Variants in RNF130 observed in about 807,000 individuals in gnomAD.
RNF130 encodes E3 ubiquitin-protein ligase RNF130.
A neutral mutation model predicts 44.6 loss-of-function variants in RNF130; 21 were observed. That is an observed-to-expected ratio of 0.47 (90% CI 0.33 to 0.68). The LOEUF is 0.68. Ranked by LOEUF, RNF130 falls within the 30% of genes least tolerant of loss-of-function variation. RNF130 has a pLI of 0.02. For missense variants in RNF130, 479 were observed against 560.6 expected, an observed-to-expected ratio of 0.85 and a Z score of 1.47; for synonymous variants, 214 against 210.4, an observed-to-expected ratio of 1.02 and a Z score of -0.15.
At chr5:179,970,367 T>C (rs769834464) in intron 6 of RNF130, 43 bp downstream of exon 6, 5 of 1,427,212 alleles carry the variant, frequency 3.5e-6, no homozygotes, top group East Asian at 2.3e-5. Context: ...CACATACATA[T>C]AATAATATAC....
At chr5:179,985,833 C>T (rs1762940364) in intron 3 of RNF130, among the ~76,000 whole-genome samples, 1 of 152,138 alleles carries the variant, frequency 6.6e-6, no homozygotes, top group African/African-American at 2.4e-5. Context: ...GTGGCACTTT[C>T]CCCCCAAATA....
chr5:180,016,379 C>T lies in RNF130; in HGVS notation c.443-3068G>A, dbSNP rs115709621. Among the ~76,000 whole-genome samples, 439 of 152,282 alleles carry T rather than the reference C, an allele frequency of 2.9e-3. 2 individuals are homozygous for T. The highest frequency in any genetic ancestry group is 7.3e-3 in the African/African-American group (304 of 41,542). On this transcript the variant is annotated intron_variant, in intron 2 of 8. Coordinates refer to ENST00000521389, the MANE Select transcript of RNF130 (RefSeq NM_018434.6). ...AAATGTAGGCTTCACAATAAAGGGC[C>T]GGTCAGAGGAGGCAGTGACTGAAAA... is the stretch of plus-strand genomic sequence containing the variant.
chr5:179,933,049 G>C (rs1257647957), intron 7 of RNF130, among the ~76,000 whole-genome samples: 2 of 152,164 alleles, frequency 1.3e-5, no homozygotes. Flanking sequence ...CAAAGAAATA[G>C]AGCGCAGAGG....
intron 7 of RNF130, among the ~76,000 whole-genome samples, chr5:179,929,982 T>C (rs1326736509): frequency 6.6e-6 from 1 of 152,224 alleles, no homozygotes; most frequent in African/African-American, 2.4e-5. Context: ...TTCTCTTACA[T>C]ATATTCCTCA....
intron 3 of RNF130, among the ~76,000 whole-genome samples, chr5:179,990,199 G>C (rs969554356): frequency 6.6e-6 from 1 of 152,184 alleles, no homozygotes; most frequent in Non-Finnish European, 1.5e-5. Context: ...TTATTTATTG[G>C]ATACAAAGTA....
At chr5:179,913,740 G>A (rs1761502299) in exon 8 of RNF130, 1 of 152,206 alleles carries the variant, frequency 6.6e-6, no homozygotes, top group African/African-American at 2.4e-5. Flanking sequence ...GAGGAGCTTC[G>A]TGGCTACAGG....
chr5:179,959,909 A>C (rs1762288257), intron 8 of RNF130, among the ~76,000 whole-genome samples: 1 of 152,186 alleles, frequency 6.6e-6, no homozygotes, highest in Non-Finnish European at 1.5e-5. Flanking sequence ...TTGAATAATG[A>C]GCTACCGTTC....
At chr5:180,002,580 G>GT (rs917685179) in intron 3 of RNF130, among the ~76,000 whole-genome samples, 48 of 152,316 alleles carry the variant, frequency 3.2e-4, no homozygotes, top group African/African-American at 1.1e-3. Flanking sequence ...GTGAGGACTG[G>GT]TGGGAACCCT....
chr5:179,954,345 C>T (rs1384367520), downstream of RNF130, among the ~76,000 whole-genome samples: 3 of 152,208 alleles, frequency 2.0e-5, no homozygotes, highest in Non-Finnish European at 4.4e-5. Context: ...ACAAGTCAAG[C>T]GTCCATCAGC....
chr5:179,968,309 C>A (rs1389792067), intron 6 of RNF130, among the ~76,000 whole-genome samples: 2 of 142,942 alleles, frequency 1.4e-5, no homozygotes, highest in Non-Finnish European at 3.2e-5. Context: ...AACAAACAAA[C>A]AAACAAAAAA....
intron 1 of RNF130, among the ~76,000 whole-genome samples, chr5:180,064,533 T>C (rs911991997): frequency 5.3e-5 from 8 of 152,344 alleles, no homozygotes; most frequent in African/African-American, 1.9e-4. Flanking sequence ...ACTTTGGAAA[T>C]TGTGTGCAGA....
chr5:179,945,597 C>T (rs920594099), intron 7 of RNF130, among the ~76,000 whole-genome samples: 3 of 152,040 alleles, frequency 2.0e-5, no homozygotes, highest in Admixed American at 6.6e-5. Flanking sequence ...GGACTCACAC[C>T]GCGGTGGACA....
chr5:180,068,946 A>G (rs1765178244), intron 1 of RNF130, among the ~76,000 whole-genome samples: 2 of 152,258 alleles, frequency 1.3e-5, no homozygotes, highest in African/African-American at 4.8e-5. Context: ...ATTCAAAATT[A>G]TAAGAGCATC....
At chr5:179,919,904 G>A (rs1443860172) in exon 8 of RNF130, 1 of 161,026 alleles carries the variant, frequency 6.2e-6, no homozygotes, top group African/African-American at 2.4e-5. Flanking sequence ...ACGCGGGTAG[G>A]AAGCTTCTCC....
downstream of RNF130, among the ~76,000 whole-genome samples, chr5:179,950,913 A>C (rs968779834): frequency 6.6e-6 from 1 of 152,232 alleles, no homozygotes; most frequent in African/African-American, 2.4e-5. Context: ...AATTGCTTTG[A>C]TCTCCACTGA....
At position 179,963,545 on chromosome 5, in the gene RNF130, G is replaced by A. The variant is rs758884418; in HGVS notation, c.1170C>T (p.Ala390=). 11 of 1,613,330 alleles carry A rather than the reference G, an allele frequency of 6.8e-6. No homozygotes were observed. Among genetic ancestry groups the A allele is most frequent in the Non-Finnish European group, 9.3e-6 (11 of 1,179,354 alleles). Residue 390 remains alanine (A), a synonymous_variant, in exon 8 of 9, where the codon GCC becomes GCT. Transcript: ENST00000521389. ...IAVTKEWFII[A]SFGLLSALTL... ...TGAGGGCACTGAGGAGGCCAAAACT[G>A]GCAATAATAAACCATTCTTCTGTTG...
chr5:179,996,798 G>A (rs1763209614), intron 3 of RNF130, among the ~76,000 whole-genome samples: 1 of 152,150 alleles, frequency 6.6e-6, no homozygotes, highest in Non-Finnish European at 1.5e-5. Flanking sequence ...TCCTCATGTG[G>A]TATTGCTATT....
At chr5:180,056,364 G>C (rs1764823115) in intron 1 of RNF130, among the ~76,000 whole-genome samples, 1 of 152,124 alleles carries the variant, frequency 6.6e-6, no homozygotes, top group Non-Finnish European at 1.5e-5. Context: ...TTACTATAGA[G>C]AATGGGCTAG....
intron 7 of RNF130, among the ~76,000 whole-genome samples, chr5:179,934,618 T>C (rs1344146186): frequency 1.3e-5 from 2 of 150,070 alleles, no homozygotes; most frequent in Admixed American, 6.7e-5. Flanking sequence ...AAGATCATCA[T>C]GGCTCACTGC....
Sources: allele counts gnomAD v4.1 joint callset (sites outside exome capture counted in the v4.1 genomes callset), GRCh38; gene constraint gnomAD v4.1.1; transcripts MANE v1.5; gene names NCBI Gene and HGNC (gene_info 2026-07-23, HGNC 2026-07-21).